DPYSL3: variants seen among roughly 807,000 people sequenced by gnomAD.
DPYSL3 encodes the protein dihydropyrimidinase like 3.
In DPYSL3, 16 loss-of-function variants were observed where a neutral mutation model predicts 66.1. The ratio of observed to expected loss-of-function variants is 0.24; its 90% CI spans 0.16 to 0.37. DPYSL3 has a LOEUF of 0.37. Among genes scored for constraint, DPYSL3 ranks in the 10% least tolerant of loss-of-function variants. The probability of loss-of-function intolerance (pLI) is 1.00; values close to 1 mark genes in which losing one functional copy is unlikely to be tolerated. For missense variants in DPYSL3, 738 were observed against 916.2 expected, an observed-to-expected ratio of 0.81 and a Z score of 2.51; for synonymous variants, 338 against 345.1, an observed-to-expected ratio of 0.98 and a Z score of 0.23.
At chr5:147,453,218 G>A (rs1000870992) in intron 1 of DPYSL3, among the ~76,000 whole-genome samples, 1 of 152,198 alleles carries the variant, frequency 6.6e-6, no homozygotes, top group African/African-American at 2.4e-5. Flanking sequence ...GGCAAAAACC[G>A]ACACTCCAGG....
intron 1 of DPYSL3, among the ~76,000 whole-genome samples, chr5:147,445,344 C>T (rs1182037880): frequency 6.6e-6 from 1 of 152,204 alleles, no homozygotes; most frequent in Non-Finnish European, 1.5e-5. Context: ...TCTCTTGGCC[C>T]AGTGATCCTA....
At chr5:147,446,123 T>C (rs895449264) in intron 1 of DPYSL3, among the ~76,000 whole-genome samples, 2 of 152,196 alleles carry the variant, frequency 1.3e-5, no homozygotes, top group Non-Finnish European at 2.9e-5. Flanking sequence ...AGAACTCCTC[T>C]CTGTGAATTT....
chr5:147,469,140 G>A (rs890121580), intron 1 of DPYSL3, among the ~76,000 whole-genome samples: 25 of 152,284 alleles, frequency 1.6e-4, no homozygotes, highest in African/African-American at 6.0e-4. Context: ...CCAGTCCCTG[G>A]CTCTGGAGCT....
At chr5:147,452,891 A>G (rs1458115535) in intron 1 of DPYSL3, among the ~76,000 whole-genome samples, 7 of 129,900 alleles carry the variant, frequency 5.4e-5, no homozygotes, top group Admixed American at 3.7e-4. Flanking sequence ...GCACACACAC[A>G]CACACACACA....
At chr5:147,500,167 T>G (rs1753581055) in intron 1 of DPYSL3, among the ~76,000 whole-genome samples, 1 of 152,162 alleles carries the variant, frequency 6.6e-6, no homozygotes, top group South Asian at 2.1e-4. Flanking sequence ...AATAAATAAT[T>G]GGTGAGCTGG....
intron 1 of DPYSL3, among the ~76,000 whole-genome samples, chr5:147,456,581 ATTTTTTTTTTT>A (rs985633099): frequency 1.2e-5 from 1 of 80,320 alleles, no homozygotes; most frequent in African/African-American, 5.4e-5. Context: ...TACTGATTCT[ATTTTTTTTTTT>A]TTTTTTTTTT....
At chr5:147,507,458 A>C (rs1406817642) in intron 1 of DPYSL3, among the ~76,000 whole-genome samples, 1 of 152,138 alleles carries the variant, frequency 6.6e-6, no homozygotes, top group Non-Finnish European at 1.5e-5. Flanking sequence ...GCTATGTGGC[A>C]AAACAGATGG....
chr5:147,452,667 T>G (rs1237361314), intron 1 of DPYSL3, among the ~76,000 whole-genome samples: 1 of 152,106 alleles, frequency 6.6e-6, no homozygotes, highest in Non-Finnish European at 1.5e-5. Context: ...CTTCTGTACC[T>G]GATAATGGCA....
intron 6 of DPYSL3, among the ~76,000 whole-genome samples, chr5:147,410,553 C>T (rs1445301800): frequency 1.3e-5 from 2 of 152,152 alleles, no homozygotes; most frequent in Non-Finnish European, 2.9e-5. Context: ...ACAACTGTAG[C>T]TTGGTCCATG....
intron 1 of DPYSL3, among the ~76,000 whole-genome samples, chr5:147,466,697 T>C (rs1026066621): frequency 3.3e-5 from 5 of 152,134 alleles, no homozygotes; most frequent in African/African-American, 1.2e-4. Context: ...AACCCCAAAG[T>C]GTGAGGCTGC....
At chr5:147,447,765 G>T (rs1752653961) in intron 1 of DPYSL3, among the ~76,000 whole-genome samples, 1 of 152,188 alleles carries the variant, frequency 6.6e-6, no homozygotes, top group East Asian at 1.9e-4. Flanking sequence ...AGCTACTCAG[G>T]AGGCGGAGGT....
intron 1 of DPYSL3, among the ~76,000 whole-genome samples, chr5:147,463,079 T>C (rs903702773): frequency 6.6e-6 from 1 of 152,132 alleles, no homozygotes; most frequent in Non-Finnish European, 1.5e-5. Context: ...CCATGAGAAA[T>C]GCTGAAGGGC....
intron 1 of DPYSL3, among the ~76,000 whole-genome samples, chr5:147,475,594 T>C (rs1481994629): frequency 6.6e-6 from 1 of 152,036 alleles, no homozygotes. Flanking sequence ...TTCAAAGGAA[T>C]AGAAAGAATA....
chr5:147,466,073 T>A (rs150479504), intron 1 of DPYSL3, among the ~76,000 whole-genome samples: 26 of 152,364 alleles, frequency 1.7e-4, no homozygotes, highest in African/African-American at 6.0e-4. Context: ...CATTTATATT[T>A]CTTTAAAAAT....
intron 1 of DPYSL3, among the ~76,000 whole-genome samples, chr5:147,458,488 T>C (rs1752885693): frequency 6.6e-6 from 1 of 152,182 alleles, no homozygotes; most frequent in African/African-American, 2.4e-5. Flanking sequence ...GCTGCTCTGT[T>C]TATGGAGCAG....
intron 1 of DPYSL3, among the ~76,000 whole-genome samples, chr5:147,455,633 A>G (rs908238261): frequency 6.6e-6 from 1 of 152,192 alleles, no homozygotes; most frequent in East Asian, 1.9e-4. Context: ...ACTACATACT[A>G]TGGAAACCAG....
In DPYSL3 at chr5:147,421,792, A is replaced by C. The variant is rs142698567; in HGVS notation, c.470+3083T>G. 3.9e-3 allele frequency among the ~76,000 whole-genome samples: 594 copies of C among 152,312 alleles called. 3 individuals carry two copies. The highest frequency in any genetic ancestry group is 0.031 in the South Asian group (152 of 4,826). On this transcript the variant is annotated intron_variant, in intron 2 of 13. Coordinates refer to ENST00000343218, the MANE Select transcript of DPYSL3 (RefSeq NM_001197294.2). Reference sequence around the variant, plus strand: ...TCCTATTGAATAAACGGTGTTGGGAAAACTGGCTAGCCATATGCAGAAAAC... The same window carrying C: ...TCCTATTGAATAAACGGTGTTGGGACAACTGGCTAGCCATATGCAGAAAAC...
intron 1 of DPYSL3, among the ~76,000 whole-genome samples, chr5:147,486,707 G>T (rs1753334486): frequency 6.6e-6 from 1 of 151,766 alleles, no homozygotes; most frequent in Non-Finnish European, 1.5e-5. Flanking sequence ...GTAAACATCT[G>T]TTGGGTCCGT....
chr5:147,432,832 G>A (rs1242923289), intron 1 of DPYSL3, among the ~76,000 whole-genome samples: 1 of 152,146 alleles, frequency 6.6e-6, no homozygotes, highest in Non-Finnish European at 1.5e-5. Flanking sequence ...TTCTAAACTA[G>A]TATTACTTGC....
Sources: gnomAD v4.1 joint callset for allele counts (sites outside exome capture counted in the v4.1 genomes callset) on GRCh38, gnomAD v4.1.1 for gene constraint, MANE v1.5 for transcripts, NCBI Gene and HGNC (gene_info 2026-07-23, HGNC 2026-07-21) for gene names.